Variants in DLG2 observed in about 807,000 individuals in gnomAD.
DLG2 encodes the protein disks large homolog 2.
DLG2 carries 45 observed loss-of-function variants against 132.5 expected under a neutral mutation model. That is an observed-to-expected ratio of 0.34 (90% CI 0.27 to 0.44). The LOEUF is 0.44. Ranked by LOEUF, DLG2 falls within the 20% of genes least tolerant of loss-of-function variation. The probability of loss-of-function intolerance (pLI) is 1.00; values close to 1 mark genes in which losing one functional copy is unlikely to be tolerated. For missense variants in DLG2, 1,045 were observed against 1,196.9 expected (o/e 0.87, Z 1.87); for synonymous variants, 424 against 419.6 (o/e 1.01, Z -0.13).
intron 16 of DLG2, among the ~76,000 whole-genome samples, chr11:83,867,297 C>A (rs908846793): frequency 1.3e-5 from 2 of 152,136 alleles, no homozygotes; most frequent in Non-Finnish European, 2.9e-5. Flanking sequence ...GTTAAAGGTA[C>A]CTAAATTGTT....
intron 8 of DLG2, among the ~76,000 whole-genome samples, chr11:84,230,745 A>C (rs1019728518): frequency 5.3e-4 from 81 of 152,228 alleles, no homozygotes; most frequent in African/African-American, 1.9e-3. Context: ...AAAATTATGC[A>C]ATTTCACAAA....
Position 83,889,549 on chromosome 11 carries a change from T to C in DLG2, c.1497-15061A>G, listed in dbSNP as rs1046069197. On this transcript the variant is annotated intron_variant, in intron 15 of 27. Coordinates refer to ENST00000376104, the MANE Select transcript of DLG2 (RefSeq NM_001142699.3). ...TCAACCATTGTGGAAGTCAGTGTGGTGATTCCTCAGGGATCTAGAACTAGA... is the reference window on the plus strand; with the variant it reads ...TCAACCATTGTGGAAGTCAGTGTGGCGATTCCTCAGGGATCTAGAACTAGA... Among the ~76,000 whole-genome samples, 8 of 152,190 alleles carry C rather than the reference T, an allele frequency of 5.3e-5. No individual in the cohort carries two copies. The South Asian group carries it at 8.3e-4, about 16-fold the overall frequency.
At chr11:85,375,243 G>A (rs1330418094) in intron 3 of DLG2, among the ~76,000 whole-genome samples, 2 of 152,054 alleles carry the variant, frequency 1.3e-5, no homozygotes, top group Non-Finnish European at 2.9e-5. Flanking sequence ...GTAGAATATT[G>A]GAGAATAAGC....
intron 11 of DLG2, among the ~76,000 whole-genome samples, chr11:84,042,648 AG>A: frequency 6.6e-6 from 1 of 151,954 alleles, no homozygotes; most frequent in African/African-American, 2.4e-5. Flanking sequence ...GTACATGTGC[AG>A]GGTGTGCAGG....
chr11:84,219,252 TACA>T (rs1283757713), intron 8 of DLG2, among the ~76,000 whole-genome samples: 2 of 152,214 alleles, frequency 1.3e-5, no homozygotes, highest in Non-Finnish European at 2.9e-5. Flanking sequence ...TGGTTATTTT[TACA>T]ACATTAAGCA....
At chr11:85,458,797 G>T (rs1488671756) in intron 3 of DLG2, among the ~76,000 whole-genome samples, 1 of 152,140 alleles carries the variant, frequency 6.6e-6, no homozygotes, top group East Asian at 1.9e-4. Context: ...ATTTCCTCAT[G>T]ATTGCAGCCA....
intron 18 of DLG2, among the ~76,000 whole-genome samples, chr11:83,705,090 G>C (rs1047992882): frequency 3.9e-5 from 6 of 152,040 alleles, no homozygotes; most frequent in African/African-American, 1.4e-4. Context: ...ATAAAGCATA[G>C]ACATGAACAG....
chr11:85,265,443 A>G (rs2077157965), intron 4 of DLG2, among the ~76,000 whole-genome samples: 1 of 152,182 alleles, frequency 6.6e-6, no homozygotes, highest in Non-Finnish European at 1.5e-5. Flanking sequence ...CAGAATTCCT[A>G]CTTTAGCCCC....
intron 16 of DLG2, among the ~76,000 whole-genome samples, chr11:83,857,719 C>A (rs1294984964): frequency 2.0e-5 from 3 of 152,142 alleles, no homozygotes; most frequent in East Asian, 3.9e-4. Flanking sequence ...ATAATCAATT[C>A]TAACAAATGT....
chr11:84,973,156 G>A (rs562045148), intron 6 of DLG2, among the ~76,000 whole-genome samples: 4 of 151,578 alleles, frequency 2.6e-5, no homozygotes, highest in East Asian at 1.9e-4. Context: ...ACGGGGTTTC[G>A]CCATGTTGGC....
intron 18 of DLG2, among the ~76,000 whole-genome samples, chr11:83,727,768 G>GA (rs1362265062): frequency 1.3e-5 from 2 of 152,128 alleles, no homozygotes; most frequent in East Asian, 3.9e-4. Context: ...TCCAACCTCC[G>GA]AAAAATCCAC....
At position 84,173,700 on chromosome 11, in the gene DLG2, G is replaced by A. The variant is rs1382331419; in HGVS notation, c.574-10189C>T. ...CTCTCCTCAATCCTCTGCAGCTTTT[G>A]TTTGTGTTCCACTATTATACAAAAG... On this transcript the variant is annotated intron_variant, in intron 8 of 27. Transcript: ENST00000376104. Among the ~76,000 whole-genome samples the A allele has an allele frequency of 2.0e-5, 3 of 152,226 alleles. No homozygotes were observed. In the East Asian group the frequency reaches 5.8e-4, roughly 29 times the overall value.
At chr11:84,404,870 A>T (rs1224843731) in intron 7 of DLG2, among the ~76,000 whole-genome samples, 1 of 152,220 alleles carries the variant, frequency 6.6e-6, no homozygotes, top group African/African-American at 2.4e-5. Flanking sequence ...GGATATTTTA[A>T]CATTTCTAGA....
intron 8 of DLG2, among the ~76,000 whole-genome samples, chr11:84,172,993 C>A (rs777542812): frequency 6.6e-6 from 1 of 151,896 alleles, no homozygotes; most frequent in Non-Finnish European, 1.5e-5. Context: ...TTGTAATTAG[C>A]GGCTTTTTAG....
intron 15 of DLG2, among the ~76,000 whole-genome samples, chr11:83,900,955 C>T (rs984844498): frequency 3.9e-5 from 6 of 152,176 alleles, no homozygotes; most frequent in Non-Finnish European, 4.4e-5. Context: ...CAGAGCTTCT[C>T]AAGACCATAG....
intron 6 of DLG2, among the ~76,000 whole-genome samples, chr11:84,884,824 C>T (rs1395391856): frequency 6.6e-6 from 1 of 152,036 alleles, no homozygotes; most frequent in African/African-American, 2.4e-5. Flanking sequence ...AAAATTACAA[C>T]AATAAACAAT....
At chr11:85,466,015 G>C (rs564814804) in intron 3 of DLG2, among the ~76,000 whole-genome samples, 4 of 152,050 alleles carry the variant, frequency 2.6e-5, no homozygotes, top group Non-Finnish European at 5.9e-5. Flanking sequence ...GCGTGAGATG[G>C]TATCTCATTG....
intron 7 of DLG2, among the ~76,000 whole-genome samples, chr11:84,410,456 C>T (rs535740896): frequency 2.0e-5 from 3 of 151,500 alleles, no homozygotes; most frequent in South Asian, 4.2e-4. Context: ...ACTGGAAAGT[C>T]ATCAGTCAAT....
intron 8 of DLG2, among the ~76,000 whole-genome samples, chr11:84,213,818 CAAAAAAAA>C (rs35761640): frequency 2.1e-5 from 1 of 46,564 alleles, no homozygotes; most frequent in Non-Finnish European, 5.6e-5. Flanking sequence ...GACTCCGTCT[CAAAAAAAA>C]AAAAAAAAAA....
Sources: allele counts gnomAD v4.1 joint callset (sites outside exome capture counted in the v4.1 genomes callset), GRCh38; gene constraint gnomAD v4.1.1; transcripts MANE v1.5; gene names NCBI Gene and HGNC (gene_info 2026-07-23, HGNC 2026-07-21).